The following SLC6A4 variants were observed in gnomAD, a reference collection of about 807,000 sequenced individuals.
SLC6A4 encodes sodium-dependent serotonin transporter.
A neutral mutation model predicts 73.4 loss-of-function variants in SLC6A4; 22 were observed. The observed-to-expected ratio is 0.30, with a 90% CI of 0.21 to 0.43. SLC6A4 has a LOEUF of 0.43. SLC6A4 is among the 20% of genes least tolerant of loss of function. The probability of loss-of-function intolerance (pLI) is 1.00; values close to 1 mark genes in which losing one functional copy is unlikely to be tolerated. For synonymous variants in SLC6A4, 270 were observed against 315.5 expected (o/e 0.86, Z 1.53); for missense variants, 593 against 808.5 (o/e 0.73, Z 3.23).
rs1197597029 is a variant in SLC6A4, at chr17:30,195,740, G to A, written c.*2716C>T. ...AGAGACAGTTAAGCAATGAAGTGGG[G>A]AAGGGGCAATACTATGGAAAATAGA... is the stretch of plus-strand genomic sequence containing the variant. On this transcript the variant is annotated 3_prime_UTR_variant, in exon 15 of 15. Transcript: ENST00000650711. The A allele has an allele frequency of 1.3e-5, 2 of 151,960 alleles. No homozygotes were observed. The highest frequency in any genetic ancestry group is 2.9e-5 in the Non-Finnish European group (2 of 68,016). The allele number at this position is 151,960 out of a possible 1,614,324, so 9.4% of individuals were successfully genotyped here.
intron 14 of SLC6A4, among the ~76,000 whole-genome samples, chr17:30,202,535 G>T (rs1205377264): frequency 6.6e-6 from 1 of 152,136 alleles, no homozygotes; most frequent in East Asian, 1.9e-4. Context: ...TAGGATAATC[G>T]ACATGCAGAT....
chr17:30,203,244 T>C lies in SLC6A4; in HGVS notation c.1746A>G (p.Gly582=). 6.2e-7 allele frequency: 1 copy of C among 1,613,610 alleles called. No individual in the cohort carries two copies. Residue 582 remains glycine (G), a synonymous_variant, in exon 14 of 15, where the codon GGA becomes GGG. Transcript: ENST00000650711. ...YWSIILGYCI[G]TSSFICIPTY... is the part of the protein sequence containing the mutation. ...TGGGGATGCAAATGAAAGATGAGGT[T>C]CCTATGCAGTAACCCAAGATGATAC...
At chr17:30,234,733 G>A (rs1907217906) in intron 1 of SLC6A4, among the ~76,000 whole-genome samples, 1 of 152,110 alleles carries the variant, frequency 6.6e-6, no homozygotes. Context: ...ATAATCCATT[G>A]ACCAGGTTCA....
rs1403662803 is a variant in SLC6A4, at chr17:30,203,686, AGTAATTTGGGCCTT to A, written c.1651-361_1651-348del. ...AGGCAAAGAGACTGGCAACCTTGAG[AGTAATTTGGGCCTT>A]GTCTTGCCAGAAGGCAGAGGAATAA... On this transcript the variant is annotated intron_variant, in intron 13 of 14. Coordinates refer to ENST00000650711, the MANE Select transcript of SLC6A4 (RefSeq NM_001045.6). 3 of 234,952 alleles carry A rather than the reference AGTAATTTGGGCCTT, an allele frequency of 1.3e-5. No homozygotes were observed. The Admixed American group carries it at 1.5e-4, about 12-fold the overall frequency. 14.6% of individuals were successfully genotyped at this position (234,952 alleles called of 1,614,324 possible). A position where few individuals can be genotyped will look rare whatever the true frequency, so the allele number is the denominator to read the frequency against.
intron 14 of SLC6A4, among the ~76,000 whole-genome samples, chr17:30,201,307 G>T (rs1422942980): frequency 6.6e-6 from 1 of 152,188 alleles, no homozygotes; most frequent in Non-Finnish European, 1.5e-5. Context: ...ACCGACAGGG[G>T]TGTATCACAC....
intron 8 of SLC6A4, among the ~76,000 whole-genome samples, chr17:30,215,002 T>TCCTTTCTTTCTTCTTTC (rs1906519720): frequency 4.9e-5 from 7 of 142,286 alleles, no homozygotes; most frequent in Admixed American, 2.9e-4. Context: ...CTTCCTTCCT[T>TCCTTTCTTTCTTCTTTC]TCTTTCTTTC....
chr17:30,201,885 T>C (rs1265293514), intron 14 of SLC6A4, among the ~76,000 whole-genome samples: 2 of 152,178 alleles, frequency 1.3e-5, no homozygotes, highest in Admixed American at 6.5e-5. Context: ...GGCAGGAGGA[T>C]TGAGCTCAGG....
At chr17:30,212,405 G>GA (rs1906414968) in intron 9 of SLC6A4, among the ~76,000 whole-genome samples, 1 of 152,190 alleles carries the variant, frequency 6.6e-6, no homozygotes, top group East Asian at 1.9e-4. Context: ...AAATGTTTTG[G>GA]AAACAGGGTC....
At chr17:30,198,562 T>C in intron 14 of SLC6A4, 32 bp from the exon 15 acceptor site, 1 of 1,276,796 alleles carries the variant, frequency 7.8e-7, no homozygotes, top group South Asian at 1.2e-5. Context: ...GTTATAAACA[T>C]CCTTGTAATT....
At chr17:30,225,875 A>G (rs1906910828) in intron 1 of SLC6A4, among the ~76,000 whole-genome samples, 1 of 152,196 alleles carries the variant, frequency 6.6e-6, no homozygotes, top group Non-Finnish European at 1.5e-5. Flanking sequence ...GACTCCAAGT[A>G]AAAAAGGACT....
At chr17:30,210,845 AG>A (rs2143014266) in intron 10 of SLC6A4, among the ~76,000 whole-genome samples, 199 bp from the exon 11 acceptor site, 1 of 152,316 alleles carries the variant, frequency 6.6e-6, no homozygotes, top group South Asian at 2.1e-4. Flanking sequence ...CCCATCACTA[AG>A]GAGAGCCAGG....
intron 10 of SLC6A4, 70 bp from the exon 11 acceptor site, chr17:30,210,716 A>G: frequency 6.6e-7 from 1 of 1,516,604 alleles, no homozygotes; most frequent in Non-Finnish European, 8.9e-7. Context: ...GACAGTGAAC[A>G]GGAGGGAGGG....
chr17:30,234,144 T>G (rs1410111187), intron 1 of SLC6A4, among the ~76,000 whole-genome samples: 1 of 152,086 alleles, frequency 6.6e-6, no homozygotes, highest in Non-Finnish European at 1.5e-5. Flanking sequence ...TCTGAGGTCT[T>G]TCAGATTCCA....
At chr17:30,230,116 A>AGGAG (rs1567824225) in intron 1 of SLC6A4, among the ~76,000 whole-genome samples, 61 of 134,096 alleles carry the variant, frequency 4.5e-4, no homozygotes, top group African/African-American at 1.4e-3. Context: ...AGGAAGAGGA[A>AGGAG]GAGGAAGAGG....
At chr17:30,221,261 G>GCCAC (rs1424461187) in intron 3 of SLC6A4, among the ~76,000 whole-genome samples, 4 of 152,116 alleles carry the variant, frequency 2.6e-5, no homozygotes, top group Admixed American at 1.3e-4. Context: ...ACAGGTGTGA[G>GCCAC]CCACCACGCC....
intron 14 of SLC6A4, among the ~76,000 whole-genome samples, chr17:30,200,052 C>T (rs912214120): frequency 2.6e-4 from 39 of 152,166 alleles, no homozygotes; most frequent in African/African-American, 9.2e-4. Flanking sequence ...GTGCATGGTA[C>T]GATGCTCAAC....
intron 13 of SLC6A4, chr17:30,204,631 G>A (rs866630057): frequency 1.3e-5 from 2 of 152,016 alleles, no homozygotes; most frequent in Non-Finnish European, 2.9e-5. Context: ...GCCTCTACTC[G>A]TACACAATAT....
chr17:30,207,882 C>T, intron 12 of SLC6A4, 50 bp from the exon 13 acceptor site: 1 of 1,301,496 alleles, frequency 7.7e-7, no homozygotes, highest in East Asian at 2.4e-5. Context: ...AGGACATGGG[C>T]TGTGCTGCTG....
intron 1 of SLC6A4, among the ~76,000 whole-genome samples, chr17:30,227,691 T>C (rs1169198887): frequency 6.6e-6 from 1 of 152,212 alleles, no homozygotes; most frequent in Non-Finnish European, 1.5e-5. Context: ...TTCACCATGT[T>C]GCCCAGGTTG....
Sources: gnomAD v4.1 joint callset for allele counts (sites outside exome capture counted in the v4.1 genomes callset) on GRCh38, gnomAD v4.1.1 for gene constraint, MANE v1.5 for transcripts, NCBI Gene and HGNC (gene_info 2026-07-23, HGNC 2026-07-21) for gene names.